Variants in NAV3 observed in about 807,000 individuals in gnomAD.
NAV3 encodes the protein neuron navigator 3.
NAV3 carries 87 observed loss-of-function variants against 244.7 expected under a neutral mutation model. The observed-to-expected ratio is 0.36, with a 90% CI of 0.30 to 0.42. The LOEUF is 0.42. Ranked by LOEUF, NAV3 falls within the 20% of genes least tolerant of loss-of-function variation. NAV3 has a pLI of 1.00. For missense variants in NAV3, 2,663 were observed against 2,893.3 expected (o/e 0.92, Z 1.83); for synonymous variants, 1,126 against 1,042.2 (o/e 1.08, Z -1.55).
At chr12:77,671,173 C>G (rs373657292) in intron 2 of NAV3, among the ~76,000 whole-genome samples, 7 of 152,032 alleles carry the variant, frequency 4.6e-5, no homozygotes, top group Admixed American at 1.3e-4. Flanking sequence ...ATAAGGAACT[C>G]AACACCTTTT....
chr12:78,193,489 A>G (rs1387541298), intron 34 of NAV3, among the ~76,000 whole-genome samples: 4 of 152,140 alleles, frequency 2.6e-5, no homozygotes, highest in African/African-American at 9.7e-5. Context: ...TTTTTATGTA[A>G]CTGTGGTGTT....
chr12:77,687,731 C>T lies in NAV3; in HGVS notation c.72+115465C>T, dbSNP rs1005434985. On this transcript the variant is annotated intron_variant, in intron 2 of 8. Transcript: ENST00000550042. ...GTTCACAAGTAATATAAACTTAGAT[C>T]GGTTCCATAAGCCTCTCTCTACCAA... Among the ~76,000 whole-genome samples the T allele has an allele frequency of 2.6e-5, 4 of 152,158 alleles. No individual in the cohort carries two copies. In the South Asian group the frequency reaches 6.2e-4, roughly 24 times the overall value.
chr12:78,191,882 C>T (rs1361960588), intron 34 of NAV3, among the ~76,000 whole-genome samples: 1 of 152,026 alleles, frequency 6.6e-6, no homozygotes, highest in Non-Finnish European at 1.5e-5. Context: ...TTACAAGGTA[C>T]TTTTTTTATG....
intron 26 of NAV3, 69 bp from the exon 27 acceptor site, chr12:78,177,072 C>T (rs1593915517): frequency 5.7e-6 from 9 of 1,573,900 alleles, no homozygotes; most frequent in Non-Finnish European, 4.4e-6. Context: ...CATCTGCAAA[C>T]TAACGCCCCA....
intron 1 of NAV3, among the ~76,000 whole-genome samples, chr12:77,875,940 A>G (rs1386658861): frequency 7.9e-5 from 12 of 152,060 alleles, no homozygotes; most frequent in African/African-American, 2.2e-4. Flanking sequence ...TTCAGGGAGT[A>G]ACTTTGTGGC....
chr12:77,589,813 T>C (rs559187533), intron 2 of NAV3, among the ~76,000 whole-genome samples: 1 of 152,368 alleles, frequency 6.6e-6, no homozygotes, highest in South Asian at 2.1e-4. Flanking sequence ...CCACCAAGTA[T>C]ATTTTCCAGA....
At chr12:77,752,437 G>A (rs185665490) in intron 2 of NAV3, among the ~76,000 whole-genome samples, 8 of 152,222 alleles carry the variant, frequency 5.3e-5, no homozygotes, top group African/African-American at 7.2e-5. Context: ...AAAAGTAGCC[G>A]AGAGTCCATT....
intron 36 of NAV3, 49 bp downstream of exon 36, chr12:78,198,725 G>A: frequency 9.9e-7 from 1 of 1,007,410 alleles, no homozygotes; most frequent in East Asian, 2.9e-5. Flanking sequence ...GTTTTGTGTT[G>A]GGGGGGGCAG....
chr12:78,098,619 A>G (rs1488313538), intron 12 of NAV3, among the ~76,000 whole-genome samples: 4 of 151,906 alleles, frequency 2.6e-5, no homozygotes, highest in African/African-American at 9.6e-5. Flanking sequence ...AATAAGAAAG[A>G]TTTATGGAGT....
In NAV3 at chr12:78,197,534, T is replaced by G. The variant is rs1434546492; in HGVS notation, c.6446+133T>G. 1.9e-5 allele frequency: 11 copies of G among 591,080 alleles called. No homozygotes were observed. The African/African-American group carries it at 1.9e-4, about 10-fold the overall frequency. 36.6% of individuals were successfully genotyped at this position (591,080 alleles called of 1,614,324 possible). A position where few individuals can be genotyped will look rare whatever the true frequency, so the allele number is the denominator to read the frequency against. ...TTTTTTAAATTGACAGATAAAACTG[T>G]ACATATTGATTGTGTACACCATGAT... On this transcript the variant is annotated intron_variant, in intron 35 of 39. Coordinates refer to ENST00000397909, the MANE Select transcript of NAV3 (RefSeq NM_001024383.2).
intron 22 of NAV3, among the ~76,000 whole-genome samples, chr12:78,154,498 A>G (rs1957222722): frequency 6.6e-6 from 1 of 150,922 alleles, no homozygotes; most frequent in South Asian, 2.1e-4. Context: ...GCATCATAGT[A>G]ATTCTCTTTA....
intron 22 of NAV3, 32 bp from the exon 23 acceptor site, chr12:78,159,170 AT>A: frequency 6.3e-7 from 1 of 1,585,474 alleles, no homozygotes. Flanking sequence ...AGATTCTGAC[AT>A]TTAAACTATG....
At chr12:77,968,765 C>A (rs2137999280) in intron 5 of NAV3, 63 bp downstream of exon 5, 1 of 1,487,960 alleles carries the variant, frequency 6.7e-7, no homozygotes, top group East Asian at 2.4e-5. Context: ...TTGTTTTTAA[C>A]AAATTATTGT....
chr12:77,791,585 T>C (rs931510049), intron 2 of NAV3, among the ~76,000 whole-genome samples: 12 of 152,134 alleles, frequency 7.9e-5, no homozygotes, highest in African/African-American at 2.4e-4. Flanking sequence ...TTTTTTCCTA[T>C]TTTACAGAAG....
intron 7 of NAV3, among the ~76,000 whole-genome samples, chr12:77,999,185 A>G (rs931215112): frequency 6.6e-6 from 1 of 152,202 alleles, no homozygotes; most frequent in Non-Finnish European, 1.5e-5. Flanking sequence ...GAGTATGTGT[A>G]GTTTACACCT....
intron 2 of NAV3, among the ~76,000 whole-genome samples, chr12:77,641,879 C>A (rs1028211978): frequency 4.6e-5 from 7 of 152,120 alleles, no homozygotes; most frequent in African/African-American, 1.7e-4. Flanking sequence ...TCGGGGAAAG[C>A]AACACCCAAC....
chr12:78,078,790 A>G (rs1368262556), intron 12 of NAV3, among the ~76,000 whole-genome samples: 2 of 152,210 alleles, frequency 1.3e-5, no homozygotes, highest in Non-Finnish European at 2.9e-5. Flanking sequence ...ACAATTCTCC[A>G]TGGAAAGATG....
intron 11 of NAV3, among the ~76,000 whole-genome samples, chr12:78,055,788 G>C (rs529721790): frequency 6.6e-6 from 1 of 152,314 alleles, no homozygotes; most frequent in East Asian, 1.9e-4. Context: ...GACCACATCT[G>C]ACTGTAAAAG....
At position 77,634,733 on chromosome 12, in the gene NAV3, A is replaced by T. The variant is rs147747318; in HGVS notation, c.72+62467A>T. On this transcript the variant is annotated intron_variant, in intron 2 of 8. Transcript: ENST00000550042. ...CTAGTCTTATGTATTAAAAAAATTC[A>T]GTGGTAATTTTTTTAATTCTTATTT... 6.4e-3 allele frequency among the ~76,000 whole-genome samples: 977 copies of T among 152,222 alleles called. 5 individuals carry two copies. The highest frequency in any genetic ancestry group is 0.011 in the Non-Finnish European group (722 of 68,002).
Sources: allele counts gnomAD v4.1 joint callset (sites outside exome capture counted in the v4.1 genomes callset), GRCh38; gene constraint gnomAD v4.1.1; transcripts MANE v1.5; gene names NCBI Gene and HGNC (gene_info 2026-07-23, HGNC 2026-07-21).